The following MRTFA variants were observed in gnomAD, a reference collection of about 807,000 sequenced individuals.
The protein encoded by MRTFA is myocardin-related transcription factor A.
In MRTFA, 20 loss-of-function variants were observed where a neutral mutation model predicts 83.5. The ratio of observed to expected loss-of-function variants is 0.24; its 90% CI spans 0.17 to 0.35. The LOEUF (loss-of-function observed/expected upper bound fraction) is 0.35. Ranked by LOEUF, MRTFA falls within the 10% of genes least tolerant of loss-of-function variation. MRTFA has a pLI of 1.00. For missense variants in MRTFA, 1,200 were observed against 1,224.7 expected (o/e 0.98, Z 0.30); for synonymous variants, 659 against 541.2 (o/e 1.22, Z -3.02).
At chr22:40,580,051 C>G (rs1013474556) in intron 2 of MRTFA, among the ~76,000 whole-genome samples, 3 of 152,066 alleles carry the variant, frequency 2.0e-5, no homozygotes, top group Non-Finnish European at 4.4e-5. Context: ...AATAAAAACA[C>G]AACATATGAA....
At chr22:40,559,051 G>C (rs2147324759) in intron 2 of MRTFA, among the ~76,000 whole-genome samples, 1 of 152,226 alleles carries the variant, frequency 6.6e-6, no homozygotes, top group East Asian at 1.9e-4. Context: ...CAAAGTGCTA[G>C]GATTACAAGT....
At chr22:40,594,006 G>A (rs1366039293) in intron 2 of MRTFA, among the ~76,000 whole-genome samples, 2 of 152,190 alleles carry the variant, frequency 1.3e-5, no homozygotes, top group African/African-American at 2.4e-5. Context: ...GCAGAGCTGC[G>A]TGAACTGCCA....
chr22:40,543,948 C>T (rs936088180), intron 3 of MRTFA, among the ~76,000 whole-genome samples: 2 of 152,086 alleles, frequency 1.3e-5, no homozygotes, highest in African/African-American at 2.4e-5. Flanking sequence ...TTACAGTTAT[C>T]GTAATTAAAA....
chr22:40,563,724 G>A (rs2055663675), intron 2 of MRTFA, among the ~76,000 whole-genome samples: 2 of 152,236 alleles, frequency 1.3e-5, no homozygotes, highest in African/African-American at 2.4e-5. Flanking sequence ...TGGGTATTGA[G>A]GATTACAGTA....
intron 2 of MRTFA, among the ~76,000 whole-genome samples, chr22:40,570,812 C>T (rs955652545): frequency 2.6e-5 from 4 of 151,288 alleles, no homozygotes; most frequent in African/African-American, 7.3e-5. Context: ...CTTCTTTATA[C>T]AAGACAAAAA....
chr22:40,586,708 C>A, intron 2 of MRTFA: 1 of 263,600 alleles, frequency 3.8e-6, no homozygotes, highest in South Asian at 4.0e-5. Context: ...GCTCATGCAG[C>A]AGGCTTCGTT....
intron 3 of MRTFA, among the ~76,000 whole-genome samples, chr22:40,493,013 T>C (rs1250631909): frequency 2.0e-5 from 3 of 152,174 alleles, no homozygotes; most frequent in Non-Finnish European, 4.4e-5. Flanking sequence ...ATTGGCACAA[T>C]AGTGACAACC....
chr22:40,575,300 A>G (rs1034345376), intron 2 of MRTFA, among the ~76,000 whole-genome samples: 2 of 152,230 alleles, frequency 1.3e-5, no homozygotes, highest in African/African-American at 2.4e-5. Flanking sequence ...CGCTCAGTAA[A>G]TATTTGTAGA....
intron 14 of MRTFA, among the ~76,000 whole-genome samples, chr22:40,414,773 T>C (rs1377075182): frequency 3.9e-5 from 6 of 152,196 alleles, no homozygotes; most frequent in Non-Finnish European, 7.4e-5. Flanking sequence ...GATGAAGTTC[T>C]GGAGCGGATA....
chr22:40,587,754 C>A, intron 2 of MRTFA: 1 of 337,298 alleles, frequency 3.0e-6, no homozygotes, highest in Non-Finnish European at 5.9e-6. Flanking sequence ...GAGTGAGTCC[C>A]ACCACCTCAA....
At position 40,411,569 on chromosome 22, in the gene MRTFA, T is replaced by G; in HGVS notation, c.2917A>C (p.Ser973Arg). The G allele has an allele frequency of 1.9e-6, 3 of 1,613,902 alleles. No individual in the cohort carries two copies. Among genetic ancestry groups the G allele is most frequent in the Non-Finnish European group, 2.5e-6 (3 of 1,179,978 alleles). ...GCCAGGTCCAGGCCCATGGTGCTGCTGGGCTCAGGAACAAAGTGCAATTCC... is the reference window on the plus strand; with the variant it reads ...GCCAGGTCCAGGCCCATGGTGCTGCGGGGCTCAGGAACAAAGTGCAATTCC... Residue 973 changes from serine to arginine, a missense_variant, in exon 15 of 15, where the codon AGC becomes CGC. By Grantham distance (110) the Ser-to-Arg change is moderately radical. This residue lies in a region of MRTFA where 1,107 missense variants were observed against 1,041.8 expected (regional missense o/e 1.06). Transcript: ENST00000355630.
chr22:40,501,062 G>A (rs1241337568), intron 3 of MRTFA, among the ~76,000 whole-genome samples: 8 of 114,196 alleles, frequency 7.0e-5, no homozygotes, highest in South Asian at 3.4e-4. Flanking sequence ...GCGGCTGGCC[G>A]GGCAGAGGGG....
chr22:40,626,297 G>T (rs1361182963), intron 1 of MRTFA, among the ~76,000 whole-genome samples: 1 of 148,818 alleles, frequency 6.7e-6, no homozygotes, highest in African/African-American at 2.5e-5. Context: ...AGATTTACTC[G>T]TTTTTTTTGA....
chr22:40,535,660 A>T (rs2055159230), intron 3 of MRTFA, among the ~76,000 whole-genome samples: 2 of 152,046 alleles, frequency 1.3e-5, no homozygotes. Flanking sequence ...GTCTTTGTTA[A>T]ATTTACTTTG....
At chr22:40,632,198 C>T (rs2083111011) in intron 1 of MRTFA, among the ~76,000 whole-genome samples, 1 of 152,246 alleles carries the variant, frequency 6.6e-6, no homozygotes, top group Admixed American at 6.5e-5. Flanking sequence ...CTGCACCAAC[C>T]TGCCAGCAAT....
At chr22:40,547,715 C>T (rs896852283) in intron 3 of MRTFA, among the ~76,000 whole-genome samples, 1 of 151,790 alleles carries the variant, frequency 6.6e-6, no homozygotes, top group Non-Finnish European at 1.5e-5. Flanking sequence ...ATCAGTCTGG[C>T]GTGGTGGCGT....
At chr22:40,413,478 C>T (rs568516225) in intron 14 of MRTFA, among the ~76,000 whole-genome samples, 51 of 152,066 alleles carry the variant, frequency 3.4e-4, no homozygotes, top group African/African-American at 1.1e-3. Flanking sequence ...ATTACAGGCA[C>T]GTGCCACCAT....
Position 40,597,447 on chromosome 22 carries a change from T to C in MRTFA, c.-83-2712A>G, listed in dbSNP as rs545162963. Among the ~76,000 whole-genome samples the C allele has an allele frequency of 1.4e-3, 218 of 152,330 alleles. 2 individuals carry two copies. The highest frequency in any genetic ancestry group is 2.5e-3 in the Non-Finnish European group (170 of 68,028). ...ATAAATGAAAGGTAAACTAATTCAG[T>C]TGATAATTTAAATATTATGGTTGGT... is the stretch of plus-strand genomic sequence containing the variant. On this transcript the variant is annotated intron_variant, in intron 1 of 14. Transcript: ENST00000355630.
chr22:40,429,839 C>T, intron 6 of MRTFA, 72 bp from the exon 7 acceptor site: 1 of 1,470,368 alleles, frequency 6.8e-7, no homozygotes, highest in Non-Finnish European at 9.1e-7. Context: ...AACTCCAGAG[C>T]AGCTCTCCTT....
Sources: allele counts gnomAD v4.1 joint callset (sites outside exome capture counted in the v4.1 genomes callset), GRCh38; gene constraint gnomAD v4.1.1; regional missense constraint gnomAD v4.1.1; transcripts MANE v1.5; gene names NCBI Gene and HGNC (gene_info 2026-07-23, HGNC 2026-07-21).